Variants in MACROD2 observed in about 807,000 individuals in gnomAD.
MACROD2 encodes the protein mono-ADP ribosylhydrolase 2.
MACROD2 carries 36 observed loss-of-function variants against 70.4 expected under a neutral mutation model. The observed-to-expected ratio is 0.51, with a 90% CI of 0.39 to 0.68. The LOEUF (loss-of-function observed/expected upper bound fraction) is 0.68, where lower values mean the gene tolerates loss of function less well. MACROD2 is among the 30% of genes least tolerant of loss of function. MACROD2 has a pLI of 0.00. For synonymous variants in MACROD2, 172 were observed against 178.8 expected (o/e 0.96, Z 0.30); for missense variants, 496 against 538.4 (o/e 0.92, Z 0.78).
At chr20:14,519,920 C>T (rs557687970) in intron 4 of MACROD2, among the ~76,000 whole-genome samples, 22 of 152,120 alleles carry the variant, frequency 1.4e-4, no homozygotes, top group East Asian at 1.9e-4. Context: ...TGCAGAAATA[C>T]GGATGGAGTT....
intron 3 of MACROD2, among the ~76,000 whole-genome samples, chr20:14,276,058 A>C (rs1177548284): frequency 6.6e-6 from 1 of 151,638 alleles, no homozygotes; most frequent in African/African-American, 2.4e-5. Flanking sequence ...CCATTGTGGA[A>C]GTCAGTGTGG....
chr20:14,079,169 C>T (rs944852625), intron 2 of MACROD2, among the ~76,000 whole-genome samples: 7 of 152,288 alleles, frequency 4.6e-5, no homozygotes, highest in African/African-American at 1.4e-4. Flanking sequence ...CCATAATCAG[C>T]TTATAAGCCA....
chr20:14,271,490 C>T (rs1446806077), intron 3 of MACROD2, among the ~76,000 whole-genome samples: 1 of 152,164 alleles, frequency 6.6e-6, no homozygotes, highest in Non-Finnish European at 1.5e-5. Flanking sequence ...AAAAACCCAT[C>T]TGCACATCAC....
At chr20:14,160,151 A>C (rs1176543981) in intron 3 of MACROD2, among the ~76,000 whole-genome samples, 1 of 152,168 alleles carries the variant, frequency 6.6e-6, no homozygotes, top group South Asian at 2.1e-4. Context: ...TTTTACCTCT[A>C]TGTTCATTAA....
intron 4 of MACROD2, among the ~76,000 whole-genome samples, chr20:14,525,990 C>A (rs142190076): frequency 5.0e-4 from 76 of 152,184 alleles, no homozygotes; most frequent in African/African-American, 1.7e-3. Flanking sequence ...AAATTGATTT[C>A]TAAGGGCAGG....
At chr20:15,827,228 C>T (rs2064006765) in intron 8 of MACROD2, among the ~76,000 whole-genome samples, 1 of 151,998 alleles carries the variant, frequency 6.6e-6, no homozygotes, top group Admixed American at 6.6e-5. Context: ...ACTCATTTTT[C>T]TAATTTTTCA....
intron 5 of MACROD2, among the ~76,000 whole-genome samples, chr20:14,703,917 G>A (rs934712883): frequency 2.0e-5 from 3 of 151,638 alleles, no homozygotes; most frequent in East Asian, 1.9e-4. Flanking sequence ...TAGTAGAGAC[G>A]GGGTTTTACC....
chr20:14,356,498 C>CTTTTTTTT (rs71190132), intron 3 of MACROD2, among the ~76,000 whole-genome samples: 9 of 76,784 alleles, frequency 1.2e-4, no homozygotes, highest in East Asian at 3.5e-4. Context: ...GATCTACTTT[C>CTTTTTTTT]TTTTTTTTTT....
At chr20:15,850,512 G>A (rs1157970070) in intron 8 of MACROD2, among the ~76,000 whole-genome samples, 7 of 152,232 alleles carry the variant, frequency 4.6e-5, no homozygotes, top group African/African-American at 1.7e-4. Context: ...CCTCCAGACT[G>A]TGTGGGCCCG....
At chr20:15,481,437 A>T (rs768167961) in intron 7 of MACROD2, among the ~76,000 whole-genome samples, 1 of 152,196 alleles carries the variant, frequency 6.6e-6, no homozygotes, top group Non-Finnish European at 1.5e-5. Flanking sequence ...ATGTTGTCAC[A>T]TTGTGTTTAC....
chr20:15,477,959 G>A lies in MACROD2; in HGVS notation c.572-21815G>A, dbSNP rs575460728. On this transcript the variant is annotated intron_variant, in intron 7 of 17. Transcript: ENST00000684519. Reference sequence around the variant, plus strand: ...TGCAGTGACGTGAGGAAAAAGCCATGAGCCAAGGAATGCATGTGGCCTCTG... The same window carrying A: ...TGCAGTGACGTGAGGAAAAAGCCATAAGCCAAGGAATGCATGTGGCCTCTG... Among the ~76,000 whole-genome samples the A allele has an allele frequency of 1.5e-4, 23 of 152,314 alleles. No homozygotes were observed. In the South Asian group the frequency reaches 3.3e-3, roughly 22 times the overall value.
intron 9 of MACROD2, among the ~76,000 whole-genome samples, chr20:15,868,258 T>C (rs2064521624): frequency 6.6e-6 from 1 of 152,186 alleles, no homozygotes. Flanking sequence ...TCTGGCTTCC[T>C]GGATTCATGA....
chr20:14,197,585 T>C (rs1005440366), intron 3 of MACROD2, among the ~76,000 whole-genome samples: 5 of 151,948 alleles, frequency 3.3e-5, no homozygotes, highest in Non-Finnish European at 7.4e-5. Flanking sequence ...CTGGCCAACA[T>C]GGTGAAACCC....
At chr20:15,879,204 C>A (rs73898566) in intron 9 of MACROD2, among the ~76,000 whole-genome samples, 2,442 of 152,176 alleles carry the variant, frequency 0.016, 70 homozygotes, top group African/African-American at 0.056. Flanking sequence ...TGTCCTCTAA[C>A]AAAGAAGTAT....
At position 15,660,576 on chromosome 20, in the gene MACROD2, T is replaced by C. The variant is rs140443452; in HGVS notation, c.645+160729T>C. Among the ~76,000 whole-genome samples the C allele has an allele frequency of 4.6e-5, 7 of 152,342 alleles. No homozygotes were observed. In the East Asian group the frequency reaches 1.4e-3, roughly 29 times the overall value. On this transcript the variant is annotated intron_variant, in intron 8 of 17. Coordinates refer to ENST00000684519, the MANE Select transcript of MACROD2 (RefSeq NM_001351661.2). The stretch of plus-strand genomic sequence containing the variant: ...AATTTCCTCGGAATGGTATTTCTTA[T>C]GATCTGAAAGCTTTTTTCCCTCCCC...
chr20:14,522,925 T>C (rs1367958577), intron 4 of MACROD2, among the ~76,000 whole-genome samples: 1 of 152,196 alleles, frequency 6.6e-6, no homozygotes, highest in African/African-American at 2.4e-5. Flanking sequence ...CTGTAGGCAC[T>C]CAGTAAATAT....
intron 4 of MACROD2, among the ~76,000 whole-genome samples, chr20:14,506,644 T>G (rs1201599532): frequency 6.6e-6 from 1 of 152,070 alleles, no homozygotes; most frequent in Non-Finnish European, 1.5e-5. Flanking sequence ...ACCGATAACT[T>G]TCAGATAAAA....
At chr20:15,112,950 CTGTGTGTGTGTG>C (rs11467446) in intron 5 of MACROD2, among the ~76,000 whole-genome samples, 8 of 146,002 alleles carry the variant, frequency 5.5e-5, no homozygotes, top group African/African-American at 1.5e-4. Flanking sequence ...TAATATTTCA[CTGTGTGTGTGTG>C]TGTGTGTGTG....
At chr20:15,372,662 T>C (rs1443190654) in intron 6 of MACROD2, among the ~76,000 whole-genome samples, 7 of 152,216 alleles carry the variant, frequency 4.6e-5, no homozygotes, top group Non-Finnish European at 8.8e-5. Flanking sequence ...TTTAACTTTG[T>C]CCATGGAGAC....
Sources: allele counts gnomAD v4.1 joint callset (sites outside exome capture counted in the v4.1 genomes callset), GRCh38; gene constraint gnomAD v4.1.1; transcripts MANE v1.5; gene names NCBI Gene and HGNC (gene_info 2026-07-23, HGNC 2026-07-21).